The following AUTS2 variants were observed in gnomAD, a reference collection of about 807,000 sequenced individuals.
AUTS2 encodes the protein activator of transcription and developmental regulator AUTS2.
Under a neutral mutation model 112.4 loss-of-function variants are expected in AUTS2, and 17 were observed. The ratio of observed to expected loss-of-function variants is 0.15; its 90% CI spans 0.10 to 0.23. The LOEUF (loss-of-function observed/expected upper bound fraction) is 0.23. Ranked by LOEUF, AUTS2 falls within the 10% of genes least tolerant of loss-of-function variation. AUTS2 has a pLI of 1.00. For synonymous variants in AUTS2, 751 were observed against 702.7 expected (o/e 1.07, Z -1.09); for missense variants, 1,510 against 1,701.6 (o/e 0.89, Z 1.98).
chr7:69,886,895 C>T (rs1794302011), intron 1 of AUTS2, among the ~76,000 whole-genome samples: 1 of 151,946 alleles, frequency 6.6e-6, no homozygotes, highest in African/African-American at 2.4e-5. Flanking sequence ...CTGCCTCAGC[C>T]TCCTGAGTAG....
intron 2 of AUTS2, among the ~76,000 whole-genome samples, chr7:70,083,630 C>T (rs578045953): frequency 2.4e-4 from 37 of 152,198 alleles, no homozygotes; most frequent in African/African-American, 8.9e-4. Context: ...GACATGCATA[C>T]ACCTATAGAA....
chr7:70,197,467 G>A (rs1183744305), intron 4 of AUTS2, among the ~76,000 whole-genome samples: 3 of 141,276 alleles, frequency 2.1e-5, no homozygotes, highest in Non-Finnish European at 4.6e-5. Context: ...GACAGTGGGC[G>A]CAGGCCAGTG....
chr7:70,746,004 G>A (rs1394711680), intron 6 of AUTS2, among the ~76,000 whole-genome samples: 1 of 152,104 alleles, frequency 6.6e-6, no homozygotes, highest in African/African-American at 2.4e-5. Context: ...ATTATTATGT[G>A]GTTAAAGAAA....
At chr7:70,624,197 T>TA (rs1388846311) in intron 5 of AUTS2, among the ~76,000 whole-genome samples, 2 of 152,212 alleles carry the variant, frequency 1.3e-5, no homozygotes, top group African/African-American at 4.8e-5. Flanking sequence ...ACCATTCAGG[T>TA]AAAGCACTGC....
At chr7:70,171,973 T>A (rs932746808) in intron 4 of AUTS2, among the ~76,000 whole-genome samples, 4 of 152,108 alleles carry the variant, frequency 2.6e-5, no homozygotes, top group Non-Finnish European at 5.9e-5. Flanking sequence ...ACTACATTTC[T>A]TTCTGCATTT....
intron 4 of AUTS2, among the ~76,000 whole-genome samples, chr7:70,398,109 A>T (rs1200882068): frequency 1.3e-5 from 2 of 152,210 alleles, no homozygotes; most frequent in Admixed American, 1.3e-4. Context: ...TGTTGTTCAC[A>T]TGTATGTGTT....
At chr7:70,427,998 G>C (rs968390543) in intron 4 of AUTS2, among the ~76,000 whole-genome samples, 2 of 152,142 alleles carry the variant, frequency 1.3e-5, no homozygotes, top group African/African-American at 4.8e-5. Flanking sequence ...ATTACCAAAA[G>C]CTTTATTCTT....
At chr7:69,946,498 C>A (rs374739239) in intron 2 of AUTS2, among the ~76,000 whole-genome samples, 1 of 150,632 alleles carries the variant, frequency 6.6e-6, no homozygotes, top group Admixed American at 6.6e-5. Context: ...ATAGTCAAGA[C>A]GTGGAAACAA....
chr7:70,396,014 T>C (rs1477239219), intron 4 of AUTS2, among the ~76,000 whole-genome samples: 3 of 152,184 alleles, frequency 2.0e-5, no homozygotes, highest in Non-Finnish European at 4.4e-5. Context: ...GAAGAAAATA[T>C]GCTATCTACA....
chr7:70,162,306 C>T (rs2129577580), intron 4 of AUTS2, among the ~76,000 whole-genome samples: 1 of 149,870 alleles, frequency 6.7e-6, no homozygotes, highest in East Asian at 1.9e-4. Context: ...ATTAGCCGGG[C>T]GTAGTGGCGG....
At chr7:69,980,649 C>T (rs890329462) in intron 2 of AUTS2, among the ~76,000 whole-genome samples, 1 of 152,010 alleles carries the variant, frequency 6.6e-6, no homozygotes, top group Non-Finnish European at 1.5e-5. Flanking sequence ...TATGATTACA[C>T]ATCCTCATCC....
chr7:70,674,794 C>T (rs1472245102), intron 5 of AUTS2, among the ~76,000 whole-genome samples: 1 of 152,174 alleles, frequency 6.6e-6, no homozygotes, highest in Non-Finnish European at 1.5e-5. Flanking sequence ...CATTTCCCAA[C>T]AAACTGGAAA....
At chr7:70,787,499 G>A (rs1791585461) in intron 18 of AUTS2, 68 bp downstream of exon 18, 1 of 1,180,422 alleles carries the variant, frequency 8.5e-7, no homozygotes, top group Non-Finnish European at 1.2e-6. Flanking sequence ...CAGTGGAACT[G>A]GCCGCCCACC....
intron 5 of AUTS2, among the ~76,000 whole-genome samples, chr7:70,607,073 GT>G: frequency 6.6e-6 from 1 of 152,274 alleles, no homozygotes; most frequent in East Asian, 1.9e-4. Context: ...GTGATTTGGA[GT>G]GTTTCTCTTC....
chr7:70,026,483 T>C (rs1800530307), intron 2 of AUTS2, among the ~76,000 whole-genome samples: 1 of 152,194 alleles, frequency 6.6e-6, no homozygotes, highest in Admixed American at 6.5e-5. Flanking sequence ...GCTTACTTGT[T>C]GTTCCAAGGC....
intron 4 of AUTS2, among the ~76,000 whole-genome samples, chr7:70,318,473 C>T (rs1452914589): frequency 1.3e-5 from 2 of 152,258 alleles, no homozygotes; most frequent in East Asian, 3.9e-4. Flanking sequence ...CCTTAAGAAC[C>T]TACAAACCTA....
At chr7:70,777,064 A>G (rs1384815628) in intron 13 of AUTS2, 39 bp from the exon 14 acceptor site, 1 of 1,601,258 alleles carries the variant, frequency 6.2e-7, no homozygotes, top group African/African-American at 1.3e-5. Flanking sequence ...TTTCTCTGAA[A>G]TGTCTTCCTC....
At chr7:69,926,799 AAT>A (rs915196019) in intron 2 of AUTS2, among the ~76,000 whole-genome samples, 2 of 146,886 alleles carry the variant, frequency 1.4e-5, no homozygotes, top group African/African-American at 2.5e-5. Context: ...ATATATATAA[AAT>A]ATATATAAAG....
intron 2 of AUTS2, among the ~76,000 whole-genome samples, chr7:70,030,405 A>C (rs1043539864): frequency 3.9e-5 from 6 of 152,186 alleles, no homozygotes; most frequent in African/African-American, 1.4e-4. Context: ...TATCACATGA[A>C]TAGACCCGTG....
Sources: gnomAD v4.1 joint callset for allele counts (sites outside exome capture counted in the v4.1 genomes callset) on GRCh38, gnomAD v4.1.1 for gene constraint, MANE v1.5 for transcripts, NCBI Gene and HGNC (gene_info 2026-07-23, HGNC 2026-07-21) for gene names.